Variants in LOXHD1 observed in about 807,000 individuals in gnomAD.
LOXHD1 encodes the protein lipoxygenase homology PLAT domains 1.
A neutral mutation model predicts 248.2 loss-of-function variants in LOXHD1; 205 were observed. The ratio of observed to expected loss-of-function variants is 0.83; its 90% CI spans 0.74 to 0.93. The LOEUF (loss-of-function observed/expected upper bound fraction) is 0.93. LOXHD1 is among the 40% of genes least tolerant of loss of function. LOXHD1 has a pLI of 0.00. For synonymous variants in LOXHD1, 1,113 were observed against 1,162.8 expected (o/e 0.96, Z 0.87); for missense variants, 2,930 against 2,971.6 (o/e 0.99, Z 0.33).
At chr18:46,596,677 A>C (rs1344222123) in intron 8 of LOXHD1, among the ~76,000 whole-genome samples, 1 of 152,238 alleles carries the variant, frequency 6.6e-6, no homozygotes, top group Non-Finnish European at 1.5e-5. Flanking sequence ...AAGCTTGGTC[A>C]TAGTCAGAAC....
At chr18:46,546,389 A>C (rs1276854106) in intron 22 of LOXHD1, among the ~76,000 whole-genome samples, 1 of 151,474 alleles carries the variant, frequency 6.6e-6, no homozygotes, top group Non-Finnish European at 1.5e-5. Context: ...ATTCCATTCC[A>C]ATCCACTCCA....
intron 21 of LOXHD1, among the ~76,000 whole-genome samples, chr18:46,547,541 A>G (rs1275490517): frequency 2.0e-5 from 3 of 152,196 alleles, no homozygotes; most frequent in Non-Finnish European, 4.4e-5. Flanking sequence ...AGGAGCTGGC[A>G]TAGAAGACTG....
In LOXHD1 at chr18:46,625,366, C is replaced by T. The variant is rs370180795; in HGVS notation, c.512-7076G>A. ...TTGGTCCTTAAAAGTTGCTCATGGG[C>T]AGAAATCAAGAAATAACATTCTACA... is the stretch of plus-strand genomic sequence containing the variant. On this transcript the variant is annotated intron_variant, in intron 4 of 40. Transcript: ENST00000642948. Among the ~76,000 whole-genome samples the T allele has an allele frequency of 3.3e-5, 5 of 152,142 alleles. No individual in the cohort carries two copies. The South Asian group carries it at 6.2e-4, about 19-fold the overall frequency.
intron 5 of LOXHD1, among the ~76,000 whole-genome samples, chr18:46,611,995 A>G (rs189518146): frequency 3.1e-4 from 47 of 152,268 alleles, no homozygotes; most frequent in African/African-American, 1.1e-3. Flanking sequence ...TCATTGTCAC[A>G]TACCCTTATG....
In LOXHD1 at chr18:46,626,687, G is replaced by C. The variant is rs2038747080; in HGVS notation, c.512-8397C>G. Among the ~76,000 whole-genome samples, 3 of 152,140 alleles carry C rather than the reference G, an allele frequency of 2.0e-5. No homozygotes were observed. The South Asian group carries it at 6.2e-4, about 31-fold the overall frequency. On this transcript the variant is annotated intron_variant, in intron 4 of 40. Coordinates refer to ENST00000642948, the MANE Select transcript of LOXHD1 (RefSeq NM_001384474.1). ...ATATGTTCATAAACAAAAATTTAAA[G>C]AATGGGAAGGAAATTCACCAAAATG...
chr18:46,559,706 C>A, intron 19 of LOXHD1, 104 bp from the exon 20 acceptor site: 1 of 1,267,894 alleles, frequency 7.9e-7, no homozygotes, highest in South Asian at 1.5e-5. Flanking sequence ...ACAGAGGGAT[C>A]TTCAGATGCA....
intron 14 of LOXHD1, among the ~76,000 whole-genome samples, chr18:46,576,896 C>T (rs1451255948): frequency 6.6e-6 from 1 of 152,162 alleles, no homozygotes; most frequent in Non-Finnish European, 1.5e-5. Context: ...GGAAGAGCAA[C>T]ACACTCATTA....
In LOXHD1 at chr18:46,533,252, C is replaced by G. The variant is rs1346975496; in HGVS notation, c.4285G>C (p.Glu1429Gln). ...GTGAAGATGTCATATGGAACCAGTT[C>G]TCGAATGGTCTTTTTGTCATCCTCA... is the stretch of plus-strand genomic sequence containing the variant. ...TSEDDKKTIR[E>Q]LVPYDIFTEK... The change falls in exon 28 of 41, where the codon GAA becomes CAA. Residue 1429 changes from glutamate (E) to glutamine (Q), a missense_variant. Coordinates refer to ENST00000642948, the MANE Select transcript of LOXHD1 (RefSeq NM_001384474.1). 1.3e-6 allele frequency: 2 copies of G among 1,551,746 alleles called. No individual in the cohort carries two copies. Among genetic ancestry groups the G allele is most frequent in the South Asian group, 2.4e-5 (2 of 84,056 alleles).
chr18:46,647,765 A>AGGGGCTG (rs769601156), intron 2 of LOXHD1, among the ~76,000 whole-genome samples: 3 of 152,304 alleles, frequency 2.0e-5, no homozygotes, highest in Admixed American at 1.3e-4. Flanking sequence ...CCAGCCCCCA[A>AGGGGCTG]GGTACAGGGT....
chr18:46,639,934 C>T (rs1005494268), intron 3 of LOXHD1, 134 bp from the exon 4 acceptor site: 6 of 1,068,636 alleles, frequency 5.6e-6, no homozygotes, highest in African/African-American at 3.2e-5. Context: ...ATCTCCTGAA[C>T]CTCGGTTTCC....
intron 2 of LOXHD1, among the ~76,000 whole-genome samples, chr18:46,643,226 A>C (rs2038985575): frequency 2.0e-5 from 3 of 152,180 alleles, no homozygotes; most frequent in Admixed American, 6.5e-5. Flanking sequence ...CCCCCACAGG[A>C]TGCAGCCTGG....
chr18:46,477,145 C>T (rs757959805), downstream of LOXHD1: 48 of 718,692 alleles, frequency 6.7e-5, no homozygotes, highest in South Asian at 7.0e-4. Context: ...ATGGCCTCTG[C>T]TTCTCCACTT....
chr18:46,593,863 C>T (rs947478131), intron 9 of LOXHD1, 103 bp from the exon 10 acceptor site: 77 of 1,249,772 alleles, frequency 6.2e-5, no homozygotes, highest in Non-Finnish European at 8.0e-5. Flanking sequence ...GACTGAAGGG[C>T]GGGGTATACA....
Position 46,545,321 on chromosome 18 carries a change from G to A in LOXHD1, c.3615C>T (p.Asp1205=), listed in dbSNP as rs1034265787. 2.6e-6 allele frequency: 4 copies of A among 1,550,600 alleles called. No individual in the cohort carries two copies. The highest frequency in any genetic ancestry group is 3.5e-6 in the Non-Finnish European group (4 of 1,145,994). The change falls in exon 23 of 41, where the codon GAC becomes GAT. Residue 1205 remains aspartate (D), a synonymous_variant. Transcript: ENST00000642948. ...VFITLFGTQD[D]TGMTLLKSSK... is the part of the protein sequence containing the mutation. Reference sequence around the variant, plus strand: ...GGCCCTGCACTGCTTTCTTACCAGTGTCATCCTGTGTGCCAAAGAGTGTGA... The same window carrying A: ...GGCCCTGCACTGCTTTCTTACCAGTATCATCCTGTGTGCCAAAGAGTGTGA...
intron 18 of LOXHD1, 91 bp from the exon 19 acceptor site, chr18:46,560,636 G>A: frequency 8.2e-7 from 1 of 1,219,400 alleles, no homozygotes; most frequent in Non-Finnish European, 1.1e-6. Flanking sequence ...CAGGCACAAG[G>A]CCTGTTTGCT....
intron 2 of LOXHD1, among the ~76,000 whole-genome samples, chr18:46,648,909 A>G (rs8088803): frequency 0.028 from 4,301 of 152,280 alleles, 208 homozygotes; most frequent in African/African-American, 0.098. Flanking sequence ...GCTAATATGG[A>G]TTCTTGGGAA....
At chr18:46,635,454 C>T (rs1369041190) in intron 4 of LOXHD1, among the ~76,000 whole-genome samples, 1 of 152,156 alleles carries the variant, frequency 6.6e-6, no homozygotes, top group African/African-American at 2.4e-5. Context: ...AGGAGACCCA[C>T]AGTCTAGTCC....
chr18:46,618,741 T>C (rs974018641), intron 4 of LOXHD1, among the ~76,000 whole-genome samples: 12 of 152,210 alleles, frequency 7.9e-5, no homozygotes, highest in African/African-American at 2.7e-4. Context: ...CCTTTCCCAG[T>C]CTGTTTTCCA....
chr18:46,520,970 G>A, intron 33 of LOXHD1, 127 bp downstream of exon 33: 1 of 1,127,152 alleles, frequency 8.9e-7, no homozygotes, highest in East Asian at 2.6e-5. Context: ...AGCACACCAG[G>A]CTGCAGCGCC....
Sources: gnomAD v4.1 joint callset for allele counts (sites outside exome capture counted in the v4.1 genomes callset) on GRCh38, gnomAD v4.1.1 for gene constraint, MANE v1.5 for transcripts, NCBI Gene and HGNC (gene_info 2026-07-23, HGNC 2026-07-21) for gene names.